The following EDN2 variants were observed in gnomAD, a reference collection of about 807,000 sequenced individuals.
EDN2 encodes endothelin 2.
EDN2 carries 10 observed loss-of-function variants against 19.9 expected under a neutral mutation model. That is an observed-to-expected ratio of 0.50 (90% CI 0.31 to 0.85). The LOEUF (loss-of-function observed/expected upper bound fraction) is 0.85. EDN2 is among the 40% of genes least tolerant of loss of function. EDN2 has a pLI of 0.05. For missense variants in EDN2, 222 were observed against 239.3 expected, an observed-to-expected ratio of 0.93 and a Z score of 0.48; for synonymous variants, 84 against 94.9, an observed-to-expected ratio of 0.89 and a Z score of 0.67.
chr1:41,479,278 G>T lies in EDN2; in HGVS notation c.*131C>A. 1 of 819,618 alleles carries T rather than the reference G, an allele frequency of 1.2e-6. No individual in the cohort carries two copies. Among genetic ancestry groups the T allele is most frequent in the Non-Finnish European group, 2.1e-6 (1 of 487,744 alleles). The allele number at this position is 819,618 out of a possible 1,614,324, so 50.8% of individuals were successfully genotyped here. ...CACCAGGGAGCTTGTGCCAATCCTGGCAAATGGGTCCAGCTGTCTGGGACC... is the reference window on the plus strand; with the variant it reads ...CACCAGGGAGCTTGTGCCAATCCTGTCAAATGGGTCCAGCTGTCTGGGACC... On this transcript the variant is annotated 3_prime_UTR_variant, in exon 5 of 5. Coordinates refer to ENST00000372587, the MANE Select transcript of EDN2 (RefSeq NM_001956.5).
chr1:41,478,880 G>A lies in EDN2; in HGVS notation c.*529C>T, dbSNP rs547171808. ...TTCTCAAAGTTCTTAGGGCAAATAA[G>A]TTATATACAGACAGGAAAAGCAGAG... On this transcript the variant is annotated 3_prime_UTR_variant, in exon 5 of 5. Transcript: ENST00000372587. The A allele has an allele frequency of 6.4e-4, 144 of 225,380 alleles. No individual in the cohort carries two copies. Among genetic ancestry groups the A allele is most frequent in the African/African-American group, 3.0e-3 (136 of 44,948 alleles). 14.0% of individuals were successfully genotyped at this position (225,380 alleles called of 1,614,324 possible). A position where few individuals can be genotyped will look rare whatever the true frequency, so the allele number is the denominator to read the frequency against.
chr1:41,480,698 C>G (rs1428904847), intron 4 of EDN2: 4 of 465,948 alleles, frequency 8.6e-6, no homozygotes, highest in Admixed American at 7.0e-5. Context: ...AGGTCTGACT[C>G]ACACTGAGGC....
rs551887036 is a variant in EDN2, at chr1:41,481,835, G to A, written c.344+631C>T. The stretch of plus-strand genomic sequence containing the variant: ...GGATTACAGGTGTGAGCCACCGTGC[G>A]CGGCCGGAAGCTTGGGACTTTGAAG... On this transcript the variant is annotated intron_variant, in intron 3 of 4. Coordinates refer to ENST00000372587, the MANE Select transcript of EDN2 (RefSeq NM_001956.5). Among the ~76,000 whole-genome samples, 173 of 152,240 alleles carry A rather than the reference G, an allele frequency of 1.1e-3. 1 individual carries two copies. Among genetic ancestry groups the A allele is most frequent in the Middle Eastern group, 3.4e-3 (1 of 294 alleles).
Position 41,482,503 on chromosome 1 carries a change from C to G in EDN2, c.307G>C (p.Asp103His). The G allele has an allele frequency of 6.3e-7, 1 of 1,598,702 alleles. No homozygotes were observed. Among genetic ancestry groups the G allele is most frequent in the Non-Finnish European group, 8.5e-7 (1 of 1,173,394 alleles). Reference sequence around the variant, plus strand: ...AGGCAGAAGGTGGCACAGGCGGGGTCCCTGGCACTGGAGCACTGACAGCGC... The same window carrying G: ...AGGCAGAAGGTGGCACAGGCGGGGTGCCTGGCACTGGAGCACTGACAGCGC... ...PRRCQCSSARDPACATFCLRR... is the reference protein window; with the variant it reads ...PRRCQCSSARHPACATFCLRR... Residue 103 changes from aspartate (D) to histidine (H), a missense_variant, in exon 3 of 5, where the codon GAC (aspartate) becomes CAC (histidine). By Grantham distance (81) the Asp-to-His change is moderately conservative (BLOSUM62 -1). Transcript: ENST00000372587.
At chr1:41,484,517 G>T in intron 1 of EDN2, 21 bp downstream of exon 1, 1 of 1,551,720 alleles carries the variant, frequency 6.4e-7, no homozygotes, top group South Asian at 1.2e-5. Flanking sequence ...GTAGGCAGCA[G>T]GTGAGGCCAG....
At chr1:41,479,591 C>T in intron 4 of EDN2, 89 bp from the exon 5 acceptor site, 1 of 1,175,050 alleles carries the variant, frequency 8.5e-7, no homozygotes, top group Non-Finnish European at 1.2e-6. Flanking sequence ...GGGGCTACAG[C>T]CCTTGCCCAG....
rs762035404 is a variant in EDN2, at chr1:41,481,087, G to C, written c.443+8C>G. The C allele has an allele frequency of 6.2e-7, 1 of 1,609,206 alleles. No homozygotes were observed. Among genetic ancestry groups the C allele is most frequent in the South Asian group, 1.1e-5 (1 of 90,908 alleles). On this transcript the variant is annotated splice_region_variant and intron_variant, in intron 4 of 4. Coordinates refer to ENST00000372587, the MANE Select transcript of EDN2 (RefSeq NM_001956.5). ...TGCTCAGTCTGTGCATGTGTCCCAC[G>C]CCCTCACCTCAGCCTTTGGAGAAGC...
In EDN2 at chr1:41,479,298, G is replaced by A. The variant is rs780301840; in HGVS notation, c.*111C>T. 1.0e-6 allele frequency: 1 copy of A among 957,178 alleles called. No homozygotes were observed. 59.3% of individuals were successfully genotyped at this position (957,178 alleles called of 1,614,324 possible). ...TCCTGGCAAATGGGTCCAGCTGTCT[G>A]GGACCAAGGCCCCGGTCCAGGAAGC... On this transcript the variant is annotated 3_prime_UTR_variant, in exon 5 of 5. Coordinates refer to ENST00000372587, the MANE Select transcript of EDN2 (RefSeq NM_001956.5).
At position 41,484,214 on chromosome 1, in the gene EDN2, A is replaced by AGGAG; in HGVS notation, c.65-15_65-12dup. 1 of 1,609,906 alleles carries AGGAG rather than the reference A, an allele frequency of 6.2e-7. No individual in the cohort carries two copies. On this transcript the variant is annotated splice_polypyrimidine_tract_variant and intron_variant, in intron 1 of 4. Coordinates refer to ENST00000372587, the MANE Select transcript of EDN2 (RefSeq NM_001956.5). ...CAGCCTGGCCCTTCCCTGCATGCAC[A>AGGAG]GGAGGGAGAGAGAGGTGGAGAGGTG...
rs11572361 is a variant in EDN2 at position 41,481,837 on chromosome 1, G to A, written c.344+629C>T. 3.3e-3 allele frequency among the ~76,000 whole-genome samples: 506 copies of A among 152,234 alleles called. 3 individuals carry two copies. The highest frequency in any genetic ancestry group is 0.011 in the African/African-American group (474 of 41,532). On this transcript the variant is annotated intron_variant, in intron 3 of 4. Transcript: ENST00000372587. ...ATTACAGGTGTGAGCCACCGTGCGC[G>A]GCCGGAAGCTTGGGACTTTGAAGCC...
intron 4 of EDN2, chr1:41,480,809 T>C (rs1246802304): frequency 8.4e-6 from 5 of 592,862 alleles, no homozygotes; most frequent in Non-Finnish European, 1.6e-5. Context: ...CAGCACAGCC[T>C]GAACGAACAA....
chr1:41,479,369 C>G lies in EDN2; in HGVS notation c.*40G>C. The G allele has an allele frequency of 6.5e-7, 1 of 1,543,066 alleles. No homozygotes were observed. The highest frequency in any genetic ancestry group is 9.0e-7 in the Non-Finnish European group (1 of 1,115,806). Reference sequence around the variant, plus strand: ...CTGGCCACTTCTCTCCTCCTCTCTCCCCGCGGGCTTCCTTCCCAATGTTCC... The same window carrying G: ...CTGGCCACTTCTCTCCTCCTCTCTCGCCGCGGGCTTCCTTCCCAATGTTCC... On this transcript the variant is annotated 3_prime_UTR_variant, in exon 5 of 5. Transcript: ENST00000372587.
In EDN2 at chr1:41,478,886, T is replaced by C. The variant is rs530707866; in HGVS notation, c.*523A>G. On this transcript the variant is annotated 3_prime_UTR_variant, in exon 5 of 5. Coordinates refer to ENST00000372587, the MANE Select transcript of EDN2 (RefSeq NM_001956.5). ...AAGTTCTTAGGGCAAATAAGTTATA[T>C]ACAGACAGGAAAAGCAGAGCAGGCC... 1 of 231,974 alleles carries C rather than the reference T, an allele frequency of 4.3e-6. No homozygotes were observed. Among genetic ancestry groups the C allele is most frequent in the Admixed American group, 5.0e-5 (1 of 20,064 alleles). The allele number at this position is 231,974 out of a possible 1,614,324, so 14.4% of individuals were successfully genotyped here.
In EDN2 at chr1:41,482,544, C is replaced by A; in HGVS notation, c.266G>T (p.Arg89Leu). ...YGLGNPPRRR[R>L]RSLPRRCQCS... ...CTGACAGCGCCTTGGCAGGGAGCGG[C>A]GCCGGCGTCTTGGCGGGTTTCCCAG... Residue 89 changes from arginine (R) to leucine (L), a missense_variant, in exon 3 of 5, where the codon CGC becomes CTC. Transcript: ENST00000372587. The A allele has an allele frequency of 1.9e-6, 3 of 1,587,192 alleles. No homozygotes were observed. The highest frequency in any genetic ancestry group is 2.6e-6 in the Non-Finnish European group (3 of 1,169,004).
chr1:41,482,381 C>T, intron 3 of EDN2, 85 bp downstream of exon 3: 1 of 1,422,250 alleles, frequency 7.0e-7, no homozygotes, highest in South Asian at 1.5e-5. Context: ...GTTCGCTCCT[C>T]TGCTAGTCTC....
intron 4 of EDN2, 93 bp from the exon 5 acceptor site, chr1:41,479,595 T>G: frequency 8.8e-7 from 1 of 1,139,612 alleles, no homozygotes; most frequent in Non-Finnish European, 1.3e-6. Context: ...CTACAGCCCT[T>G]GCCCAGATCC....
chr1:41,479,381 C>A lies in EDN2; in HGVS notation c.*28G>T, dbSNP rs1644227363. On this transcript the variant is annotated 3_prime_UTR_variant, in exon 5 of 5. Transcript: ENST00000372587. Reference sequence around the variant, plus strand: ...CTCCTCCTCTCTCCCCGCGGGCTTCCTTCCCAATGTTCCTCCAGCTCACGA... The same window carrying A: ...CTCCTCCTCTCTCCCCGCGGGCTTCATTCCCAATGTTCCTCCAGCTCACGA... 1.3e-6 allele frequency: 2 copies of A among 1,595,806 alleles called. No individual in the cohort carries two copies. Among genetic ancestry groups the A allele is most frequent in the African/African-American group, 1.3e-5 (1 of 74,552 alleles).
In EDN2 at chr1:41,484,642, G is replaced by A. The variant is rs1300904689; in HGVS notation, c.-41C>T. 14 of 1,548,806 alleles carry A rather than the reference G, an allele frequency of 9.0e-6. No individual in the cohort carries two copies. The highest frequency in any genetic ancestry group is 1.2e-5 in the Non-Finnish European group (14 of 1,145,152). ...CGCAGGCTGGACTGGAGCAGGGAGT[G>A]CCTGTTGCCAGCGTCCTGCTATTAA... On this transcript the variant is annotated 5_prime_UTR_variant, in exon 1 of 5. Transcript: ENST00000372587.
intron 2 of EDN2, chr1:41,482,812 G>A (rs767206017): frequency 7.8e-5 from 36 of 461,276 alleles, no homozygotes; most frequent in Admixed American, 1.4e-4. Flanking sequence ...TACTCCACAA[G>A]GGTCCTGGTA....
Sources: allele counts gnomAD v4.1 joint callset (sites outside exome capture counted in the v4.1 genomes callset), GRCh38; gene constraint gnomAD v4.1.1; transcripts MANE v1.5; gene names NCBI Gene and HGNC (gene_info 2026-07-23, HGNC 2026-07-21).